Variants in RBM23 observed in about 807,000 individuals in gnomAD.
RBM23 encodes RNA binding motif protein 23, also known as probable RNA-binding protein 23.
Under a neutral mutation model 56.2 loss-of-function variants are expected in RBM23, and 53 were observed. That is an observed-to-expected ratio of 0.94 (90% confidence interval 0.76 to 1.19). The LOEUF (loss-of-function observed/expected upper bound fraction) is 1.19, where lower values mean the gene tolerates loss of function less well. Among genes scored for constraint, RBM23 ranks in the 50% most tolerant of loss-of-function variants. The pLI is 0.00. For synonymous variants in RBM23, 197 were observed against 198.5 expected (o/e 0.99, Z 0.06); for missense variants, 642 against 590.3 (o/e 1.09, Z -0.91).
chr14:22,906,449 A>G, intron 4 of RBM23, 81 bp from the exon 5 acceptor site: 1 of 1,507,860 alleles, frequency 6.6e-7, no homozygotes, highest in East Asian at 2.3e-5. Flanking sequence ...TGGTCCCATA[A>G]GATTATAACG....
chr14:22,905,955 G>A, intron 5 of RBM23: 1 of 604,778 alleles, frequency 1.7e-6, no homozygotes, highest in Non-Finnish European at 2.9e-6. Flanking sequence ...TCGCCATGTT[G>A]TCCTGGCTGG....
intron 1 of RBM23, among the ~76,000 whole-genome samples, chr14:22,915,560 A>G (rs1268973796): frequency 1.4e-5 from 2 of 145,166 alleles, no homozygotes; most frequent in Non-Finnish European, 3.0e-5. Context: ...CGGTGGCACA[A>G]TCTCAGTTCA....
intron 10 of RBM23, chr14:22,903,478 C>CT: frequency 1.0e-6 from 1 of 985,700 alleles, no homozygotes; most frequent in Non-Finnish European, 1.2e-6. Context: ...CATTACCTGC[C>CT]TTAGGGCCTG....
Position 22,899,323 on chromosome 14 carries a change from C to G in RBM23, c.*2407G>C, listed in dbSNP as rs534683168. On this transcript the variant is annotated 3_prime_UTR_variant, in exon 14 of 14. Transcript: ENST00000359890. ...TGTGCCCTTCTGACATGGGATGACCCCCACCTGATGCAGGCACCATGCTCT... is the reference window on the plus strand; with the variant it reads ...TGTGCCCTTCTGACATGGGATGACCGCCACCTGATGCAGGCACCATGCTCT... 6.6e-6 allele frequency: 1 copy of G among 152,422 alleles called. No homozygotes were observed. Among genetic ancestry groups the G allele is most frequent in the South Asian group, 2.1e-4 (1 of 4,826 alleles). 9.4% of individuals were successfully genotyped at this position (152,422 alleles called of 1,614,324 possible). A position where few individuals can be genotyped will look rare whatever the true frequency, so the allele number is the denominator to read the frequency against.
Position 22,902,241 on chromosome 14 carries a change from G to A in RBM23, c.1072C>T (p.Leu358=). Residue 358 remains leucine (L), a synonymous_variant, in exon 11 of 14, where the codon CTG becomes TTG. Coordinates refer to ENST00000359890, the MANE Select transcript of RBM23 (RefSeq NM_001077351.2). ...CGTCCACCTGCTGATCCCAGATCCAGCTCCTGGTCCCCATCAGGAAAAGTG... is the reference window on the plus strand; with the variant it reads ...CGTCCACCTGCTGATCCCAGATCCAACTCCTGGTCCCCATCAGGAAAAGTG... The part of the protein sequence containing the change: ...DITFPDGDQE[L]DLGSAGGRFQ... 2.5e-6 allele frequency: 4 copies of A among 1,614,202 alleles called. No individual in the cohort carries two copies. Among genetic ancestry groups the A allele is most frequent in the Non-Finnish European group, 3.4e-6 (4 of 1,180,036 alleles).
intron 10 of RBM23, chr14:22,903,074 G>T: frequency 1.0e-6 from 1 of 985,264 alleles, no homozygotes; most frequent in East Asian, 1.1e-4. Flanking sequence ...GAGCCACCGC[G>T]CCTGGCCAAA....
chr14:22,913,543 C>T (rs2042958633), intron 1 of RBM23, among the ~76,000 whole-genome samples: 1 of 151,594 alleles, frequency 6.6e-6, no homozygotes, highest in South Asian at 2.1e-4. Context: ...AGGTGGATCA[C>T]CTGAGGTCAG....
chr14:22,911,315 T>C lies in RBM23; in HGVS notation c.66+13A>G. 2 of 1,612,100 alleles carry C rather than the reference T, an allele frequency of 1.2e-6. No individual in the cohort carries two copies. Among genetic ancestry groups the C allele is most frequent in the Non-Finnish European group, 1.7e-6 (2 of 1,178,572 alleles). On this transcript the variant is annotated intron_variant, in intron 2 of 13. Transcript: ENST00000359890. ...CATTAACCCAATTCCAGGAGTGAGG[T>C]GGAAAATATTACCTCTTCTTTTTTA...
chr14:22,909,752 A>G lies in RBM23; in HGVS notation c.67-157T>C, dbSNP rs532904958. Among the ~76,000 whole-genome samples the G allele has an allele frequency of 4.6e-5, 7 of 152,306 alleles. No homozygotes were observed. In the South Asian group the frequency reaches 1.0e-3, roughly 23 times the overall value. On this transcript the variant is annotated intron_variant, in intron 2 of 13. Coordinates refer to ENST00000359890, the MANE Select transcript of RBM23 (RefSeq NM_001077351.2). Reference sequence around the variant, plus strand: ...TTATTTCCTAACAAAGGGAGTAAGAAAGGAATCAAGGAAACTACCTAAAAG... The same window carrying G: ...TTATTTCCTAACAAAGGGAGTAAGAGAGGAATCAAGGAAACTACCTAAAAG...
At chr14:22,903,358 C>G in intron 10 of RBM23, 1 of 985,492 alleles carries the variant, frequency 1.0e-6, no homozygotes, top group Non-Finnish European at 1.2e-6. Context: ...AAATGCCCCA[C>G]AGAAGCCTTT....
intron 1 of RBM23, among the ~76,000 whole-genome samples, chr14:22,912,497 C>G (rs1299957880): frequency 6.6e-6 from 1 of 152,140 alleles, no homozygotes; most frequent in Non-Finnish European, 1.5e-5. Flanking sequence ...TCTCCCCAGG[C>G]TGTCTACCAC....
At chr14:22,918,364 G>C (rs903314038) in intron 1 of RBM23, among the ~76,000 whole-genome samples, 5 of 151,262 alleles carry the variant, frequency 3.3e-5, no homozygotes, top group Admixed American at 6.6e-5. Flanking sequence ...CTCCACTCCA[G>C]CCTGGGTGAC....
At chr14:22,904,088 A>T (rs2041095791) in intron 10 of RBM23, 173 bp downstream of exon 10, 1 of 1,530,012 alleles carries the variant, frequency 6.5e-7, no homozygotes, top group Non-Finnish European at 8.8e-7. Flanking sequence ...CAAAGCCAAG[A>T]TCTCAAGCAA....
chr14:22,902,546 G>A, intron 10 of RBM23, 164 bp from the exon 11 acceptor site: 1 of 1,337,736 alleles, frequency 7.5e-7, no homozygotes. Flanking sequence ...CCTCAAAATG[G>A]TTCTCTGAAA....
chr14:22,899,536 A>G lies in RBM23; in HGVS notation c.*2194T>C, dbSNP rs1228532875. On this transcript the variant is annotated 3_prime_UTR_variant, in exon 14 of 14. Coordinates refer to ENST00000359890, the MANE Select transcript of RBM23 (RefSeq NM_001077351.2). ...GCTGGGATTACAGGCACCCACCACC[A>G]TGCCCAGCTACTTTTTGTATTTCTA... is the stretch of plus-strand genomic sequence containing the variant. 1.3e-5 allele frequency: 2 copies of G among 152,174 alleles called. No homozygotes were observed. The highest frequency in any genetic ancestry group is 2.4e-5 in the African/African-American group (1 of 41,418). The allele number at this position is 152,174 out of a possible 1,614,324, so 9.4% of individuals were successfully genotyped here.
At chr14:22,906,963 C>A (rs2041681746) in intron 4 of RBM23, among the ~76,000 whole-genome samples, 3 of 152,248 alleles carry the variant, frequency 2.0e-5, no homozygotes, top group Admixed American at 6.5e-5. Flanking sequence ...CACTTGAGAT[C>A]AGGAATTCCA....
At chr14:22,906,828 C>T (rs28458772) in intron 4 of RBM23, among the ~76,000 whole-genome samples, 1 of 151,968 alleles carries the variant, frequency 6.6e-6, no homozygotes, top group Non-Finnish European at 1.5e-5. Context: ...CACCTGAGGT[C>T]GAGAGTTCGA....
At chr14:22,908,282 A>C in intron 4 of RBM23, 51 bp downstream of exon 4, 1 of 1,538,528 alleles carries the variant, frequency 6.5e-7, no homozygotes, top group Non-Finnish European at 8.8e-7. Context: ...TGGCTTCCAA[A>C]GTGCTAGGAT....
chr14:22,904,394 ACTG>A (rs1202777421), intron 9 of RBM23, 68 bp from the exon 10 acceptor site: 12 of 1,292,516 alleles, frequency 9.3e-6, no homozygotes, highest in East Asian at 2.4e-5. Flanking sequence ...TCCTACCCAG[ACTG>A]CTTTTTTTTT....
Sources: gnomAD v4.1 joint callset for allele counts (sites outside exome capture counted in the v4.1 genomes callset) on GRCh38, gnomAD v4.1.1 for gene constraint, MANE v1.5 for transcripts, NCBI Gene and HGNC (gene_info 2026-07-23, HGNC 2026-07-21) for gene names.